The following ZNF469 variants were observed in gnomAD, a reference collection of about 807,000 sequenced individuals.
ZNF469 encodes zinc finger protein 469.
In ZNF469, 1 loss-of-function variant was observed where a neutral mutation model predicts 1.0. That is an observed-to-expected ratio of 1.00 (90% CI 0.35 to 4.73). The LOEUF (loss-of-function observed/expected upper bound fraction) is 4.73. Among genes scored for constraint, ZNF469 ranks in the 30% most tolerant of loss-of-function variants. The pLI, the probability that ZNF469 is intolerant of heterozygous loss-of-function variation, is 0.16. For missense variants in ZNF469, 6,100 were observed against 5,356.3 expected (o/e 1.14, Z -4.33); for synonymous variants, 2,703 against 2,363.4 (o/e 1.14, Z -4.17).
the ZNF469 span, among the ~76,000 whole-genome samples, chr16:88,283,213 C>A: frequency 1.3e-5 from 2 of 151,688 alleles, no homozygotes; most frequent in African/African-American, 2.4e-5. Context: ...ACCATCTATA[C>A]CTTGACAGGA....
the ZNF469 span, among the ~76,000 whole-genome samples, chr16:88,189,199 C>T: frequency 6.6e-6 from 1 of 152,202 alleles, no homozygotes; most frequent in Non-Finnish European, 1.5e-5. This position sits in a 1 kb window ranked among gnomAD's most constrained non-coding sequence, Gnocchi z 4.3. Flanking sequence ...TGCAGAGCTG[C>T]CACTGTCACT....
chr16:88,144,666 G>A, the ZNF469 span, among the ~76,000 whole-genome samples: 1 of 152,180 alleles, frequency 6.6e-6, no homozygotes. Flanking sequence ...TCACCCGTGT[G>A]GCCCAGCGAA....
At chr16:88,379,657 G>A (rs2092516201), upstream of ZNF469, among the ~76,000 whole-genome samples, 1 of 152,122 alleles carries the variant, frequency 6.6e-6, no homozygotes. Context: ...AGCAGCCCCT[G>A]CCCCCCAGCT....
At chr16:88,353,582 G>A in the ZNF469 span, among the ~76,000 whole-genome samples, 307 of 152,328 alleles carry the variant, frequency 2.0e-3, 4 homozygotes, top group South Asian at 0.025. Flanking sequence ...AGCCCATTGG[G>A]TGCCTTAGGC....
the ZNF469 span, among the ~76,000 whole-genome samples, chr16:88,174,476 G>GTCTGTCTGTCTA: frequency 3.9e-5 from 4 of 101,656 alleles, no homozygotes; most frequent in East Asian, 9.6e-4. Context: ...CTGTCTGTCT[G>GTCTGTCTGTCTA]TCTATCTATC....
the ZNF469 span, among the ~76,000 whole-genome samples, chr16:88,353,078 T>C: frequency 6.6e-6 from 1 of 151,888 alleles, no homozygotes; most frequent in African/African-American, 2.4e-5. Flanking sequence ...CTCAGGGTGG[T>C]GCCAAGCAGG....
the ZNF469 span, among the ~76,000 whole-genome samples, chr16:88,113,506 C>T: frequency 6.6e-6 from 1 of 152,208 alleles, no homozygotes; most frequent in African/African-American, 2.4e-5. Flanking sequence ...AGCAGGGATC[C>T]AGCCCTGTGG....
chr16:88,229,424 C>A, the ZNF469 span, among the ~76,000 whole-genome samples: 4 of 152,324 alleles, frequency 2.6e-5, no homozygotes, highest in South Asian at 8.3e-4. Context: ...AGAGGCTGCA[C>A]GAGGTTGGAG....
At chr16:88,273,585 C>T in the ZNF469 span, among the ~76,000 whole-genome samples, 2 of 152,322 alleles carry the variant, frequency 1.3e-5, no homozygotes, top group East Asian at 3.9e-4. Context: ...CTGTGGAAGA[C>T]GGTATGGAAG....
chr16:88,171,222 A>G, the ZNF469 span, among the ~76,000 whole-genome samples: 1 of 152,218 alleles, frequency 6.6e-6, no homozygotes, highest in African/African-American at 2.4e-5. Context: ...AATCCCTGAA[A>G]TAATGCAAAG....
At chr16:88,356,090 G>A in the ZNF469 span, among the ~76,000 whole-genome samples, 8 of 152,076 alleles carry the variant, frequency 5.3e-5, no homozygotes, top group South Asian at 6.2e-4. Context: ...CAGACCGCAC[G>A]CCCCGCCCTC....
chr16:88,186,929 C>T, the ZNF469 span, among the ~76,000 whole-genome samples: 1 of 152,092 alleles, frequency 6.6e-6, no homozygotes, highest in South Asian at 2.1e-4. Context: ...ACACTGGACC[C>T]GGGACGCTCA....
Position 88,437,470 on chromosome 16 carries a change from G to A in ZNF469, c.10000G>A (p.Asp3334Asn). Reference sequence around the variant, plus strand: ...CACCCCGGTGCACGAGGCCTGCAAGGACCCCTCCCGCGACTGCCACCACTG... The same window carrying A: ...CACCCCGGTGCACGAGGCCTGCAAGAACCCCTCCCGCGACTGCCACCACTG... ...QATPVHEACKDPSRDCHHCGK... is the reference protein window; with the variant it reads ...QATPVHEACKNPSRDCHHCGK... Residue 3334 changes from aspartate (D) to asparagine (N), a missense_variant, in exon 3 of 3, where the codon GAC becomes AAC. By Grantham distance (23) the Asp-to-Asn change is conservative. Transcript: ENST00000565624. The A allele has an allele frequency of 6.5e-7, 1 of 1,535,784 alleles. No homozygotes were observed. Among genetic ancestry groups the A allele is most frequent in the Non-Finnish European group, 8.8e-7 (1 of 1,137,674 alleles).
At position 88,433,907 on chromosome 16, in the gene ZNF469, T is replaced by C; in HGVS notation, c.6437T>C (p.Leu2146Pro). 4 of 1,549,050 alleles carry C rather than the reference T, an allele frequency of 2.6e-6. No individual in the cohort carries two copies. The highest frequency in any genetic ancestry group is 3.5e-6 in the Non-Finnish European group (4 of 1,146,142). The part of the protein sequence containing the change: ...LTSPSRAQGG[L>P]GGQLPASPSC... ...TCGCCTTCCAGGGCCCAAGGTGGGC[T>C]GGGGGGGCAGCTGCCAGCATCTCCG... The change falls in exon 3 of 3, where the codon CTG becomes CCG. Residue 2146 changes from leucine (L) to proline (P), a missense_variant. Transcript: ENST00000565624.
In ZNF469 at chr16:88,439,426, T is replaced by A; in HGVS notation, c.*94T>A. 1 of 1,385,576 alleles carries A rather than the reference T, an allele frequency of 7.2e-7. No homozygotes were observed. The highest frequency in any genetic ancestry group is 1.0e-6 in the Non-Finnish European group (1 of 1,001,018). The allele number at this position is 1,385,576 out of a possible 1,614,324, so 85.8% of individuals were successfully genotyped here. ...CGGCTCCCTGAGATGGTCCACTCTGTGGCCACTTGACTTCTTGTGCAACTG... is the reference window on the plus strand; with the variant it reads ...CGGCTCCCTGAGATGGTCCACTCTGAGGCCACTTGACTTCTTGTGCAACTG... On this transcript the variant is annotated 3_prime_UTR_variant, in exon 3 of 3. Transcript: ENST00000565624.
the ZNF469 span, among the ~76,000 whole-genome samples, chr16:88,364,265 G>A: frequency 6.6e-5 from 10 of 152,088 alleles, no homozygotes; most frequent in African/African-American, 2.4e-4. Context: ...CATCAACCAG[G>A]TGACTGCATA....
intron 1 of ZNF469, among the ~76,000 whole-genome samples, chr16:88,407,457 A>G (rs1332381226): frequency 6.6e-6 from 1 of 152,176 alleles, no homozygotes; most frequent in Non-Finnish European, 1.5e-5. Flanking sequence ...ATGACGCACT[A>G]ATTGAGTACC....
the ZNF469 span, among the ~76,000 whole-genome samples, chr16:88,309,427 C>T: frequency 6.6e-6 from 1 of 151,198 alleles, no homozygotes; most frequent in Non-Finnish European, 1.5e-5. Flanking sequence ...TCTGAGGTCC[C>T]CTCTCGGTGT....
At chr16:88,233,423 T>C in the ZNF469 span, among the ~76,000 whole-genome samples, 2 of 152,228 alleles carry the variant, frequency 1.3e-5, no homozygotes, top group African/African-American at 4.8e-5. Context: ...CATTGCCGTC[T>C]TCCTGGCCTG....
Sources: allele counts gnomAD v4.1 joint callset (sites outside exome capture counted in the v4.1 genomes callset), GRCh38; gene constraint gnomAD v4.1.1; non-coding constraint Gnocchi (gnomAD v3.1); transcripts MANE v1.5; gene names NCBI Gene and HGNC (gene_info 2026-07-23, HGNC 2026-07-21).